GLI3: variants seen among roughly 807,000 people sequenced by gnomAD.
The protein encoded by GLI3 is GLI family zinc finger 3.
A neutral mutation model predicts 100.8 loss-of-function variants in GLI3; 20 were observed. The observed-to-expected ratio is 0.20, with a 90% confidence interval of 0.14 to 0.29. The LOEUF (loss-of-function observed/expected upper bound fraction) is 0.29. Ranked by LOEUF, GLI3 falls within the 10% of genes least tolerant of loss-of-function variation. The probability of loss-of-function intolerance (pLI) is 1.00; values close to 1 mark genes in which losing one functional copy is unlikely to be tolerated. For missense variants in GLI3, 2,040 were observed against 2,128.5 expected, an observed-to-expected ratio of 0.96 and a Z score of 0.82; for synonymous variants, 938 against 860.5, an observed-to-expected ratio of 1.09 and a Z score of -1.58.
intron 1 of GLI3, among the ~76,000 whole-genome samples, chr7:42,254,972 T>A (rs12701954): frequency 0.14 from 20,613 of 149,380 alleles, 1,753 homozygotes; most frequent in Non-Finnish European, 0.2. Context: ...GGGTTCATAC[T>A]CATCTCTTGC....
chr7:42,237,350 G>A (rs1291565655), upstream of GLI3, among the ~76,000 whole-genome samples: 1 of 152,020 alleles, frequency 6.6e-6, no homozygotes, highest in East Asian at 1.9e-4. Context: ...ACCGCGGGAG[G>A]GAGGGGAAAG....
intron 3 of GLI3, among the ~76,000 whole-genome samples, chr7:42,125,329 T>G (rs1786099208): frequency 6.6e-6 from 1 of 152,182 alleles, no homozygotes; most frequent in African/African-American, 2.4e-5. Context: ...CAAGGAGCAC[T>G]GTAATGAGAC....
chr7:42,106,704 T>C, intron 3 of GLI3, among the ~76,000 whole-genome samples: 1 of 152,210 alleles, frequency 6.6e-6, no homozygotes, highest in South Asian at 2.1e-4. Context: ...TTTCAAAGAA[T>C]GTCCTCTGCT....
At chr7:42,130,376 A>G (rs1299975971) in intron 3 of GLI3, among the ~76,000 whole-genome samples, 2 of 152,224 alleles carry the variant, frequency 1.3e-5, no homozygotes, top group African/African-American at 4.8e-5. Context: ...GAGAATGACC[A>G]ATATCAACAA....
chr7:42,093,213 C>G (rs1221580699), intron 3 of GLI3, among the ~76,000 whole-genome samples: 1 of 151,758 alleles, frequency 6.6e-6, no homozygotes, highest in Admixed American at 6.6e-5. Context: ...AACCCCGTCT[C>G]TACTAAAAAT....
chr7:41,981,842 G>A (rs564940177), intron 10 of GLI3, among the ~76,000 whole-genome samples: 89 of 152,306 alleles, frequency 5.8e-4, no homozygotes, highest in Middle Eastern at 6.8e-3. Flanking sequence ...AGCGGAGGAG[G>A]GCAGTGCCTG....
chr7:42,026,370 G>T lies in GLI3; in HGVS notation c.1071C>A (p.Leu357=). The T allele has an allele frequency of 6.2e-7, 1 of 1,614,208 alleles. No individual in the cohort carries two copies. Among genetic ancestry groups the T allele is most frequent in the South Asian group, 1.1e-5 (1 of 91,090 alleles). The change falls in exon 8 of 15, where the codon CTC becomes CTA. Residue 357 remains leucine (L), a synonymous_variant. Transcript: ENST00000395925. ...GGCTTAGGATCTGCTGATGCATGTG[G>T]AGAGAGACGGGCGCGGAAGAGTAGG... The part of the protein sequence containing the change: ...SFTYSSAPVS[L]HMHQQILSRQ...
At chr7:42,075,295 A>T (rs1031116726) in intron 4 of GLI3, among the ~76,000 whole-genome samples, 1 of 152,204 alleles carries the variant, frequency 6.6e-6, no homozygotes, top group Non-Finnish European at 1.5e-5. Context: ...AGAAAATCTG[A>T]CTTAAATTAA....
Position 41,961,373 on chromosome 7 carries a change from C to A in GLI3, c.*2957G>T, listed in dbSNP as rs1185644231. On this transcript the variant is annotated 3_prime_UTR_variant, in exon 15 of 15. Coordinates refer to ENST00000395925, the MANE Select transcript of GLI3 (RefSeq NM_000168.6). The stretch of plus-strand genomic sequence containing the variant: ...GCCTCGACTCTGCTACCACCGTGCG[C>A]TCTCTGGCTGGTGCACACACAGCCT... The A allele has an allele frequency of 6.6e-6, 1 of 152,610 alleles. No homozygotes were observed. Among genetic ancestry groups the A allele is most frequent in the African/African-American group, 2.4e-5 (1 of 41,460 alleles). 9.5% of individuals were successfully genotyped at this position (152,610 alleles called of 1,614,324 possible). A position where few individuals can be genotyped will look rare whatever the true frequency, so the allele number is the denominator to read the frequency against.
intron 3 of GLI3, among the ~76,000 whole-genome samples, chr7:42,079,056 A>C (rs142084946): frequency 6.6e-6 from 1 of 152,216 alleles, no homozygotes; most frequent in South Asian, 2.1e-4. Context: ...CACATTTTGT[A>C]AAGTCCATAT....
intron 1 of GLI3, among the ~76,000 whole-genome samples, chr7:42,254,909 C>A (rs1789069666): frequency 6.6e-6 from 1 of 151,746 alleles, no homozygotes; most frequent in Non-Finnish European, 1.5e-5. Flanking sequence ...AATAATTTCT[C>A]ATTGCTCTTA....
rs146585716 is a variant in GLI3, at chr7:42,167,732, C to A, written c.125-19264G>T. On this transcript the variant is annotated intron_variant, in intron 2 of 14. Coordinates refer to ENST00000395925, the MANE Select transcript of GLI3 (RefSeq NM_000168.6). ...TTCATCTTGATGTTGGTAAGGACTGCATTTGCCACAGGCTGATAAGTGGAT... is the reference window on the plus strand; with the variant it reads ...TTCATCTTGATGTTGGTAAGGACTGAATTTGCCACAGGCTGATAAGTGGAT... Among the ~76,000 whole-genome samples the A allele has an allele frequency of 2.3e-3, 350 of 152,252 alleles. 1 individual carries two copies. The highest frequency in any genetic ancestry group is 8.2e-3 in the African/African-American group (342 of 41,546).
At chr7:42,115,845 A>T (rs1434353400) in intron 3 of GLI3, among the ~76,000 whole-genome samples, 2 of 152,156 alleles carry the variant, frequency 1.3e-5, no homozygotes, top group African/African-American at 4.8e-5. Flanking sequence ...TTTTATTTTC[A>T]TAGCACATTA....
At chr7:42,180,174 C>G (rs1238454865) in intron 2 of GLI3, among the ~76,000 whole-genome samples, 1 of 152,002 alleles carries the variant, frequency 6.6e-6, no homozygotes, top group Non-Finnish European at 1.5e-5. Flanking sequence ...CAGAGAAGGC[C>G]CAGCTATCAT....
chr7:42,109,654 T>C (rs894049240), intron 3 of GLI3, among the ~76,000 whole-genome samples: 2 of 152,182 alleles, frequency 1.3e-5, no homozygotes. Context: ...GAAAACCTTG[T>C]TTTCCCGGAA....
intron 10 of GLI3, among the ~76,000 whole-genome samples, chr7:42,005,849 A>T (rs1034918184): frequency 2.6e-5 from 4 of 152,124 alleles, no homozygotes; most frequent in African/African-American, 9.7e-5. Context: ...GGAGGACACT[A>T]GTTAGTGAGA....
chr7:42,090,828 ACT>A (rs1297305118), intron 3 of GLI3, among the ~76,000 whole-genome samples: 1 of 152,158 alleles, frequency 6.6e-6, no homozygotes, highest in African/African-American at 2.4e-5. Context: ...TGCCCTAAAC[ACT>A]CTTCATATAT....
chr7:42,086,007 C>G (rs1431220988), intron 3 of GLI3, among the ~76,000 whole-genome samples: 1 of 152,194 alleles, frequency 6.6e-6, no homozygotes, highest in East Asian at 1.9e-4. Flanking sequence ...GGATTATTGA[C>G]TCTGCTTCTT....
intron 2 of GLI3, among the ~76,000 whole-genome samples, chr7:42,161,662 A>C (rs1353901388): frequency 6.6e-6 from 1 of 152,220 alleles, no homozygotes; most frequent in African/African-American, 2.4e-5. Flanking sequence ...CCAAAGTCAC[A>C]AAGTTAGTAA....
Sources: allele counts gnomAD v4.1 joint callset (sites outside exome capture counted in the v4.1 genomes callset), GRCh38; gene constraint gnomAD v4.1.1; transcripts MANE v1.5; gene names NCBI Gene and HGNC (gene_info 2026-07-23, HGNC 2026-07-21).